The following KLRF1 variants were observed in gnomAD, a reference collection of about 807,000 sequenced individuals.
KLRF1 encodes the protein killer cell lectin-like receptor subfamily F member 1.
KLRF1 carries 27 observed loss-of-function variants against 30.7 expected under a neutral mutation model. The ratio of observed to expected loss-of-function variants is 0.88; its 90% CI spans 0.65 to 1.21. The LOEUF (loss-of-function observed/expected upper bound fraction) is 1.21. KLRF1 is among the 50% of genes most tolerant of loss of function. The probability of loss-of-function intolerance (pLI) is 0.00; values close to 1 mark genes in which losing one functional copy is unlikely to be tolerated. For synonymous variants in KLRF1, 92 were observed against 89.3 expected, an observed-to-expected ratio of 1.03 and a Z score of -0.17; for missense variants, 246 against 259.3, an observed-to-expected ratio of 0.95 and a Z score of 0.35.
At chr12:9,806,885 G>T in the KLRF1 span, among the ~76,000 whole-genome samples, 6 of 152,010 alleles carry the variant, frequency 3.9e-5, no homozygotes, top group Non-Finnish European at 8.8e-5. Flanking sequence ...GCCTTGACCT[G>T]TTGCCCAGGC....
chr12:9,826,235 C>T (rs1867280486), upstream of KLRF1, among the ~76,000 whole-genome samples: 5 of 151,984 alleles, frequency 3.3e-5, no homozygotes, highest in South Asian at 8.3e-4. Flanking sequence ...ACCCTAGTAC[C>T]CATTAGTTAT....
upstream of KLRF1, among the ~76,000 whole-genome samples, chr12:9,826,950 AATAT>A (rs772078576): frequency 3.6e-3 from 554 of 152,240 alleles, 3 homozygotes; most frequent in African/African-American, 0.012. Context: ...GTGATGAAAT[AATAT>A]GTACAACAAA....
chr12:9,815,439 C>T, the KLRF1 span, among the ~76,000 whole-genome samples: 2 of 152,246 alleles, frequency 1.3e-5, no homozygotes, highest in Non-Finnish European at 2.9e-5. Flanking sequence ...ATGATTCTAT[C>T]TGAGCCGCAG....
upstream of KLRF1, among the ~76,000 whole-genome samples, chr12:9,827,026 TA>T (rs992601411): frequency 2.0e-5 from 3 of 151,852 alleles, no homozygotes; most frequent in African/African-American, 4.8e-5. Context: ...ACCTAAAAGT[TA>T]AAAAAAATCA....
At chr12:9,800,581 A>G in the KLRF1 span, among the ~76,000 whole-genome samples, 8,205 of 152,066 alleles carry the variant, frequency 0.054, 491 homozygotes, top group African/African-American at 0.15. Context: ...TTTCTGTAAT[A>G]GCATGTTTTA....
chr12:9,818,020 A>T, the KLRF1 span: 1 of 209,478 alleles, frequency 4.8e-6, no homozygotes, highest in Non-Finnish European at 1.1e-5. Context: ...CATCATTGTC[A>T]TCATCACCAT....
chr12:9,814,395 C>G, the KLRF1 span, among the ~76,000 whole-genome samples: 1 of 152,248 alleles, frequency 6.6e-6, no homozygotes. Flanking sequence ...ATTGCCCACT[C>G]TGCCAACCAC....
At chr12:9,804,856 A>G in the KLRF1 span, among the ~76,000 whole-genome samples, 1 of 152,030 alleles carries the variant, frequency 6.6e-6, no homozygotes, top group South Asian at 2.1e-4. Flanking sequence ...GAGTGTTTTT[A>G]TATGTCAGTT....
At chr12:9,830,839 TA>T in intron 1 of KLRF1, among the ~76,000 whole-genome samples, 1 of 152,174 alleles carries the variant, frequency 6.6e-6, no homozygotes, top group East Asian at 1.9e-4. Flanking sequence ...TTTGGGTGGT[TA>T]AAAGGCTTGT....
At chr12:9,826,263 C>T (rs1867280880), upstream of KLRF1, among the ~76,000 whole-genome samples, 1 of 152,058 alleles carries the variant, frequency 6.6e-6, no homozygotes, top group South Asian at 2.1e-4. Flanking sequence ...GATCCTTTCC[C>T]TCTTCCCACC....
At position 9,841,817 on chromosome 12, in the gene KLRF1, T is replaced by C. The variant is rs1351250190; in HGVS notation, c.340T>C (p.Cys114Arg). The change falls in exon 4 of 6, where the codon TGC becomes CGC. Residue 114 changes from cysteine to arginine, a missense_variant. By Grantham distance (180) the Cys-to-Arg change is radical. Coordinates refer to ENST00000617889, the MANE Select transcript of KLRF1 (RefSeq NM_016523.3). ...ASRSADQTVL[C>R]QSEWLKYQGK... ...TTTTCTACATTTCTCTGTAGTACTA[T>C]GCCAATCAGAATGGCTCAAATACCA... 1.0e-5 allele frequency: 16 copies of C among 1,605,276 alleles called. No individual in the cohort carries two copies. Among genetic ancestry groups the C allele is most frequent in the Non-Finnish European group, 1.3e-5 (15 of 1,173,616 alleles).
intron 5 of KLRF1, among the ~76,000 whole-genome samples, chr12:9,843,260 C>T (rs1424073768): frequency 1.3e-5 from 2 of 152,138 alleles, no homozygotes; most frequent in African/African-American, 4.8e-5. Flanking sequence ...CTGCCTAGTA[C>T]ATCCAGAAGG....
the KLRF1 span, among the ~76,000 whole-genome samples, chr12:9,811,313 G>T: frequency 5.0e-4 from 1 of 2,002 alleles, no homozygotes; most frequent in African/African-American, 1.0e-3. Flanking sequence ...ACCCATAGAA[G>T]TAGTCCAAAA....
the KLRF1 span, among the ~76,000 whole-genome samples, chr12:9,817,063 C>T: frequency 1.1e-4 from 17 of 152,106 alleles, no homozygotes; most frequent in Admixed American, 3.3e-4. Flanking sequence ...TTTTGTCCTA[C>T]GTGTGAAAAC....
chr12:9,823,551 T>G (rs1867250015), upstream of KLRF1, among the ~76,000 whole-genome samples: 1 of 151,998 alleles, frequency 6.6e-6, no homozygotes, highest in African/African-American at 2.4e-5. Flanking sequence ...GATCTCAAAT[T>G]TAACACTCTA....
intron 3 of KLRF1, among the ~76,000 whole-genome samples, chr12:9,839,228 C>T (rs1473384856): frequency 1.3e-5 from 2 of 152,058 alleles, no homozygotes; most frequent in African/African-American, 2.4e-5. Context: ...TCATTGTAAT[C>T]TCTCATGGCA....
the KLRF1 span, among the ~76,000 whole-genome samples, chr12:9,819,489 G>A: frequency 1.3e-5 from 2 of 152,184 alleles, no homozygotes; most frequent in African/African-American, 4.8e-5. Context: ...CTAAGGATTG[G>A]AGAAGCCCCC....
At chr12:9,833,218 C>A (rs1206924614) in intron 2 of KLRF1, 85 bp from the exon 3 acceptor site, 2 of 895,920 alleles carry the variant, frequency 2.2e-6, no homozygotes, top group African/African-American at 1.7e-5. Context: ...TTGTTCCAAT[C>A]ATCGGAATCA....
upstream of KLRF1, among the ~76,000 whole-genome samples, chr12:9,825,561 G>A (rs956146448): frequency 7.9e-5 from 12 of 151,986 alleles, no homozygotes; most frequent in African/African-American, 2.9e-4. Flanking sequence ...AAAAAACCCT[G>A]GAAGATAACC....
Sources: allele counts gnomAD v4.1 joint callset (sites outside exome capture counted in the v4.1 genomes callset), GRCh38; gene constraint gnomAD v4.1.1; transcripts MANE v1.5; gene names NCBI Gene and HGNC (gene_info 2026-07-23, HGNC 2026-07-21).